Variants in PCNX4 observed in about 807,000 individuals in gnomAD.
PCNX4 encodes the protein pecanex 4, also known as pecanex-like protein 4.
In PCNX4, 103 loss-of-function variants were observed where a neutral mutation model predicts 107.2. The observed-to-expected ratio is 0.96, with a 90% CI of 0.82 to 1.13. The LOEUF (loss-of-function observed/expected upper bound fraction) is 1.13. Among genes scored for constraint, PCNX4 ranks in the 50% most tolerant of loss-of-function variants. The pLI is 0.00. For synonymous variants in PCNX4, 541 were observed against 481.7 expected (o/e 1.12, Z -1.61); for missense variants, 1,528 against 1,379.4 (o/e 1.11, Z -1.71).
intron 1 of PCNX4, among the ~76,000 whole-genome samples, chr14:60,104,772 A>C (rs1387281267): frequency 6.6e-6 from 1 of 152,302 alleles, no homozygotes; most frequent in South Asian, 2.1e-4. Flanking sequence ...AACCACCCCC[A>C]TGATTCAATT....
At chr14:60,110,358 C>G (rs1895717877) in intron 2 of PCNX4, 1 of 167,118 alleles carries the variant, frequency 6.0e-6, no homozygotes, top group African/African-American at 2.4e-5. Flanking sequence ...CAGCTAGCCT[C>G]TACCCAAAGC....
At chr14:60,094,029 C>A (rs957391785) in intron 1 of PCNX4, among the ~76,000 whole-genome samples, 1 of 152,104 alleles carries the variant, frequency 6.6e-6, no homozygotes, top group Non-Finnish European at 1.5e-5. Context: ...ATCCTTTGCT[C>A]ATTTTTTAAA....
intron 1 of PCNX4, among the ~76,000 whole-genome samples, chr14:60,101,433 G>A (rs1895530656): frequency 6.6e-6 from 1 of 152,108 alleles, no homozygotes; most frequent in African/African-American, 2.4e-5. Flanking sequence ...AGAGCTCTCA[G>A]AAGTTAAAAA....
chr14:60,112,253 T>C (rs1382363247), intron 2 of PCNX4, among the ~76,000 whole-genome samples: 1 of 152,218 alleles, frequency 6.6e-6, no homozygotes, highest in South Asian at 2.1e-4. Context: ...TCTTAGCCAC[T>C]GTAGAAAAAA....
At chr14:60,109,513 C>G (rs1164590047) in intron 2 of PCNX4, 1 of 164,694 alleles carries the variant, frequency 6.1e-6, no homozygotes. Context: ...CAATCTTGGC[C>G]CACTGCAACG....
chr14:60,124,202 T>A lies in PCNX4; in HGVS notation c.2047-16T>A. ...TAAATGATTATAAACTCAAGTACTTTTTATTTCTTCTTTAGGGGTTAGAAT... is the reference window on the plus strand; with the variant it reads ...TAAATGATTATAAACTCAAGTACTTATTATTTCTTCTTTAGGGGTTAGAAT... On this transcript the variant is annotated splice_polypyrimidine_tract_variant and intron_variant, in intron 8 of 10. Transcript: ENST00000406854. 1 of 1,515,526 alleles carries A rather than the reference T, an allele frequency of 6.6e-7. No individual in the cohort carries two copies. Among genetic ancestry groups the A allele is most frequent in the Non-Finnish European group, 8.8e-7 (1 of 1,133,876 alleles). The allele number at this position is 1,515,526 out of a possible 1,614,324, so 93.9% of individuals were successfully genotyped here. A position where few individuals can be genotyped will look rare whatever the true frequency, so the allele number is the denominator to read the frequency against.
At chr14:60,129,112 C>A (rs965294677) in intron 10 of PCNX4, among the ~76,000 whole-genome samples, 1 of 151,746 alleles carries the variant, frequency 6.6e-6, no homozygotes, top group Non-Finnish European at 1.5e-5. Context: ...GCTACTCGGG[C>A]GCCTGTAATC....
Position 60,134,789 on chromosome 14 carries a change from A to G in PCNX4, c.*568A>G, listed in dbSNP as rs1896217488. The G allele has an allele frequency of 6.6e-6, 1 of 152,404 alleles. No homozygotes were observed. Among genetic ancestry groups the G allele is most frequent in the Admixed American group, 6.5e-5 (1 of 15,296 alleles). 9.4% of individuals were successfully genotyped at this position (152,404 alleles called of 1,614,324 possible). On this transcript the variant is annotated 3_prime_UTR_variant, in exon 11 of 11. Transcript: ENST00000406854. ...TCATAAACTTTAAAAAACTTTTAATAAAATATTTTCCTTCCTTTTCAAATA... is the reference window on the plus strand; with the variant it reads ...TCATAAACTTTAAAAAACTTTTAATGAAATATTTTCCTTCCTTTTCAAATA...
chr14:60,116,748 G>T (rs1895856178), intron 6 of PCNX4, among the ~76,000 whole-genome samples: 1 of 152,126 alleles, frequency 6.6e-6, no homozygotes, highest in African/African-American at 2.4e-5. Context: ...CCTTCAGGAG[G>T]TATTCCAGAA....
At position 60,118,326 on chromosome 14, in the gene PCNX4, C is replaced by A. The variant is rs747288236; in HGVS notation, c.1579-3C>A. On this transcript the variant is annotated splice_polypyrimidine_tract_variant and splice_region_variant and intron_variant, in intron 6 of 10. Coordinates refer to ENST00000406854, the MANE Select transcript of PCNX4 (RefSeq NM_001330177.2). ...AATAAAAATAATTTTTACATTTCTA[C>A]AGGTTGGTATCATACGTGATCGTTT... The A allele has an allele frequency of 1.3e-6, 2 of 1,578,568 alleles. No homozygotes were observed. The highest frequency in any genetic ancestry group is 1.7e-4 in the Middle Eastern group (1 of 5,878).
rs185947857 is a variant in PCNX4 at position 60,107,694 on chromosome 14, G to T, written c.56G>T (p.Arg19Leu). The change falls in exon 2 of 11, where the codon CGC becomes CTC. Residue 19 changes from arginine to leucine, a missense_variant. Arg to Leu is a moderately radical substitution (Grantham distance 102). Transcript: ENST00000406854. ...NDYKQDFFLK[R>L]FPQTVLGGPR... is the part of the protein sequence containing the mutation. ...TACAAGCAGGACTTCTTTCTGAAGC[G>T]CTTTCCACAGACTGTTCTTGGAGGC... The T allele has an allele frequency of 2.5e-6, 4 of 1,612,702 alleles. No individual in the cohort carries two copies. Among genetic ancestry groups the T allele is most frequent in the Non-Finnish European group, 3.4e-6 (4 of 1,179,872 alleles).
In PCNX4 at chr14:60,114,895, T is replaced by C; in HGVS notation, c.869+16T>C. The C allele has an allele frequency of 6.3e-7, 1 of 1,586,682 alleles. No homozygotes were observed. The highest frequency in any genetic ancestry group is 8.5e-7 in the Non-Finnish European group (1 of 1,170,776). On this transcript the variant is annotated intron_variant, in intron 3 of 10. Transcript: ENST00000406854. The stretch of plus-strand genomic sequence containing the variant: ...CCCACTTACGGTATTTATTTTTAAA[T>C]ATTGATGTTATATGTAATATTCTTA...
intron 1 of PCNX4, among the ~76,000 whole-genome samples, chr14:60,094,664 C>T (rs184555061): frequency 7.2e-5 from 11 of 151,844 alleles, no homozygotes. Flanking sequence ...CCTGCCCATA[C>T]CTATAAGTCC....
In PCNX4 at chr14:60,135,751, C is replaced by G. The variant is rs1485449069; in HGVS notation, c.*1530C>G. 1 of 152,246 alleles carries G rather than the reference C, an allele frequency of 6.6e-6. No homozygotes were observed. Among genetic ancestry groups the G allele is most frequent in the Non-Finnish European group, 1.5e-5 (1 of 68,088 alleles). 9.4% of individuals were successfully genotyped at this position (152,246 alleles called of 1,614,324 possible). On this transcript the variant is annotated 3_prime_UTR_variant, in exon 11 of 11. Coordinates refer to ENST00000406854, the MANE Select transcript of PCNX4 (RefSeq NM_001330177.2). Reference sequence around the variant, plus strand: ...ATTTTTAGTAGAGACAGAGTTTCACCATGTTGGCCAGGCTGGTCTCGAACT... The same window carrying G: ...ATTTTTAGTAGAGACAGAGTTTCACGATGTTGGCCAGGCTGGTCTCGAACT...
chr14:60,093,283 A>G (rs1402814014), intron 1 of PCNX4, among the ~76,000 whole-genome samples: 1 of 152,118 alleles, frequency 6.6e-6, no homozygotes, highest in Non-Finnish European at 1.5e-5. Flanking sequence ...AACCCTTACC[A>G]CAGTCAAGTT....
intron 2 of PCNX4, 48 bp from the exon 3 acceptor site, chr14:60,114,652 C>T (rs562447443): frequency 6.5e-5 from 92 of 1,404,736 alleles, no homozygotes; most frequent in South Asian, 2.6e-4. Context: ...TTAAAAGATC[C>T]TCTTCTATAT....
chr14:60,108,155 A>G lies in PCNX4; in HGVS notation c.517A>G (p.Thr173Ala). The G allele has an allele frequency of 1.2e-6, 2 of 1,612,912 alleles. No individual in the cohort carries two copies. The highest frequency in any genetic ancestry group is 1.6e-4 in the Middle Eastern group (1 of 6,062). The change falls in exon 2 of 11, where the codon ACT (threonine) becomes GCT (alanine). Residue 173 changes from threonine (T) to alanine (A), a missense_variant. By Grantham distance (58) the Thr-to-Ala change is moderately conservative. Coordinates refer to ENST00000406854, the MANE Select transcript of PCNX4 (RefSeq NM_001330177.2). Reference sequence around the variant, plus strand: ...CTTGCTGTATGGCAGTACAGGAGGCACTGCTCTACTATTCTTCTTTGGATG... The same window carrying G: ...CTTGCTGTATGGCAGTACAGGAGGCGCTGCTCTACTATTCTTCTTTGGATG... The part of the protein sequence containing the change: ...ITLLYGSTGG[T>A]ALLFFFGWMT...
intron 2 of PCNX4, chr14:60,110,252 G>C (rs1319056790): frequency 1.2e-5 from 2 of 167,110 alleles, no homozygotes; most frequent in Non-Finnish European, 1.5e-5. Context: ...TGATAGAACT[G>C]TTCAGCTACA....
rs1184116610 is a variant in PCNX4 at position 60,138,358 on chromosome 14, A to G, written c.*4137A>G. 1 of 152,198 alleles carries G rather than the reference A, an allele frequency of 6.6e-6. No individual in the cohort carries two copies. Among genetic ancestry groups the G allele is most frequent in the Non-Finnish European group, 1.5e-5 (1 of 68,038 alleles). 9.4% of individuals were successfully genotyped at this position (152,198 alleles called of 1,614,324 possible). On this transcript the variant is annotated 3_prime_UTR_variant, in exon 11 of 11. Transcript: ENST00000406854. ...GGAGATAATGACTGAGAATTCTCCA[A>G]GTTTTTAAGACATGAAGACCTGCAA...
Sources: allele counts gnomAD v4.1 joint callset (sites outside exome capture counted in the v4.1 genomes callset), GRCh38; gene constraint gnomAD v4.1.1; transcripts MANE v1.5; gene names NCBI Gene and HGNC (gene_info 2026-07-23, HGNC 2026-07-21).